The following GAB3 variants were observed in gnomAD, a reference collection of about 807,000 sequenced individuals.
GAB3 encodes GRB2 associated binding protein 3, also known as GRB2-associated-binding protein 3.
In GAB3, 12 loss-of-function variants were observed where a neutral mutation model predicts 40.4. The ratio of observed to expected loss-of-function variants is 0.30; its 90% CI spans 0.19 to 0.48. GAB3 has a LOEUF of 0.48. Ranked by LOEUF, GAB3 falls within the 20% of genes least tolerant of loss-of-function variation. GAB3 has a pLI of 0.99. For synonymous variants in GAB3, 154 were observed against 176.7 expected (o/e 0.87, Z 1.02); for missense variants, 381 against 461.9 (o/e 0.82, Z 1.61).
intron 4 of GAB3, among the ~76,000 whole-genome samples, chrX:154,710,251 C>T (rs782255010): frequency 9.8e-5 from 11 of 111,897 alleles, no homozygotes; most frequent in South Asian, 3.7e-4. Flanking sequence ...CTTCACAAAC[C>T]GATCTACAGA....
In GAB3 at chrX:154,694,673, G is replaced by A. The variant is rs781807987; in HGVS notation, c.1530+1244C>T. Among the ~76,000 whole-genome samples the A allele has an allele frequency of 7.1e-5, 8 of 112,347 alleles. No individual in the cohort carries two copies. In the East Asian group the frequency reaches 1.7e-3, roughly 23 times the overall value. ...CTCCCAAAGTGCTGGGATTACAGGCGTGAGCCACCGCGCCCAGCCAACACT... is the reference window on the plus strand; with the variant it reads ...CTCCCAAAGTGCTGGGATTACAGGCATGAGCCACCGCGCCCAGCCAACACT... On this transcript the variant is annotated intron_variant, in intron 8 of 9. Transcript: ENST00000424127.
chrX:154,709,585 T>G (rs1343143615), intron 4 of GAB3, among the ~76,000 whole-genome samples: 2 of 109,622 alleles, frequency 1.8e-5, no homozygotes, highest in African/African-American at 6.7e-5. Flanking sequence ...CCCAAAGTGC[T>G]GGGATTACAG....
intron 1 of GAB3, among the ~76,000 whole-genome samples, chrX:154,735,267 C>T (rs2071348642): frequency 8.9e-6 from 1 of 112,143 alleles, no homozygotes; most frequent in Non-Finnish European, 1.9e-5. Flanking sequence ...AAACCACACA[C>T]ATAAGCCCCT....
chrX:154,713,087 G>T, intron 3 of GAB3, 120 bp downstream of exon 3: 1 of 565,658 alleles, frequency 1.8e-6, no homozygotes, highest in Non-Finnish European at 3.0e-6. Context: ...ACCACTAAAT[G>T]GACTAATTTG....
rs200576612 is a variant in GAB3 at position 154,713,374 on chromosome X, A to G, written c.429T>C (p.Ser143=). The change falls in exon 3 of 10, where the codon TCT becomes TCC. Residue 143 remains serine (S), a synonymous_variant. Coordinates refer to ENST00000424127, the MANE Select transcript of GAB3 (RefSeq NM_001081573.3). The stretch of plus-strand genomic sequence containing the variant: ...CATGGGCGGTAAGAAGGGAGCTGGC[A>G]GAGGATGGCTGCAGGGAGGAGGGCG... ...SYTPSSLQPS[S]ASSLLTAHAA... is the part of the protein sequence containing the mutation. 3.3e-6 allele frequency: 4 copies of G among 1,207,841 alleles called. No individual in the cohort carries two copies. The East Asian group carries it at 8.9e-5, about 27-fold the overall frequency.
intron 4 of GAB3, among the ~76,000 whole-genome samples, chrX:154,705,308 CA>C (rs1557253284): frequency 9.0e-6 from 1 of 111,674 alleles, no homozygotes; most frequent in Non-Finnish European, 1.9e-5. Flanking sequence ...CCCTATGTAA[CA>C]AACCTGCACA....
At chrX:154,719,254 G>A (rs1325333246) in intron 1 of GAB3, among the ~76,000 whole-genome samples, 1 of 112,264 alleles carries the variant, frequency 8.9e-6, no homozygotes, top group Non-Finnish European at 1.9e-5. Context: ...TACTGGGGAA[G>A]ATGAAGTGAG....
intron 1 of GAB3, among the ~76,000 whole-genome samples, chrX:154,749,332 G>C (rs949808738): frequency 4.4e-5 from 5 of 112,891 alleles, no homozygotes; most frequent in Non-Finnish European, 7.5e-5. Flanking sequence ...CCCTCCAGGG[G>C]CATCTTTCTG....
At chrX:154,736,284 C>T (rs1409789622) in intron 1 of GAB3, among the ~76,000 whole-genome samples, 1 of 112,436 alleles carries the variant, frequency 8.9e-6, no homozygotes, top group Non-Finnish European at 1.9e-5. Flanking sequence ...GGAGTAAACA[C>T]TTGATTAGGA....
At chrX:154,694,235 C>T (rs1218732998) in intron 8 of GAB3, among the ~76,000 whole-genome samples, 1 of 111,544 alleles carries the variant, frequency 9.0e-6, no homozygotes, top group Non-Finnish European at 1.9e-5. Context: ...ACGACAGTTC[C>T]CAGATCATAG....
At chrX:154,702,248 C>T (rs782776558) in intron 4 of GAB3, among the ~76,000 whole-genome samples, 2 of 112,029 alleles carry the variant, frequency 1.8e-5, no homozygotes, top group South Asian at 7.4e-4. Context: ...GTGCCAAGAA[C>T]ATACACTGGG....
intron 1 of GAB3, among the ~76,000 whole-genome samples, chrX:154,729,125 T>C (rs1245289052): frequency 1.8e-5 from 2 of 112,048 alleles, no homozygotes; most frequent in Non-Finnish European, 3.8e-5. Context: ...GGACATTTCT[T>C]TACAACTTCC....
chrX:154,723,169 C>T (rs201620356), intron 1 of GAB3, among the ~76,000 whole-genome samples: 4 of 112,127 alleles, frequency 3.6e-5, no homozygotes, highest in Middle Eastern at 4.6e-3. Context: ...CGTGAACCAC[C>T]GTGCCCGGCC....
At chrX:154,720,549 C>T (rs2071113744) in intron 1 of GAB3, among the ~76,000 whole-genome samples, 1 of 106,707 alleles carries the variant, frequency 9.4e-6, no homozygotes, top group Non-Finnish European at 1.9e-5. Flanking sequence ...TGGCGTGAAC[C>T]CCGGGGGGCG....
chrX:154,708,759 G>A (rs1009245883), intron 4 of GAB3, among the ~76,000 whole-genome samples: 34 of 111,921 alleles, frequency 3.0e-4, no homozygotes, highest in Non-Finnish European at 5.1e-4. Flanking sequence ...CACTGTTGGT[G>A]GGAATGTAAA....
intron 6 of GAB3, among the ~76,000 whole-genome samples, chrX:154,698,558 ATCAG>A (rs1557251345): frequency 8.9e-6 from 1 of 112,013 alleles, no homozygotes; most frequent in Non-Finnish European, 1.9e-5. Context: ...TGCACGAGAG[ATCAG>A]TCATTCTACC....
At position 154,699,556 on chromosome X, in the gene GAB3, T is replaced by C. The variant is rs1291009448; in HGVS notation, c.1126-43A>G. Reference sequence around the variant, plus strand: ...CAGATTGGGAACCACAGACCAGTCATGGAAACTGCTATCAGAGGGCGGCCA... The same window carrying C: ...CAGATTGGGAACCACAGACCAGTCACGGAAACTGCTATCAGAGGGCGGCCA... On this transcript the variant is annotated intron_variant, in intron 5 of 9. Coordinates refer to ENST00000424127, the MANE Select transcript of GAB3 (RefSeq NM_001081573.3). 8.2e-6 allele frequency: 9 copies of C among 1,093,132 alleles called. No individual in the cohort carries two copies. The Middle Eastern group carries it at 9.2e-4, about 111-fold the overall frequency. The allele number at this position is 1,093,132 out of a possible 1,213,427, so 90.1% of individuals were successfully genotyped here.
At chrX:154,731,235 G>A in intron 1 of GAB3, among the ~76,000 whole-genome samples, 1 of 111,956 alleles carries the variant, frequency 8.9e-6, no homozygotes, top group Non-Finnish European at 1.9e-5. Flanking sequence ...GCAAAATTAC[G>A]GGTTGAAACC....
chrX:154,710,105 T>TCTTCTAATGGG (rs2070909822), intron 4 of GAB3, among the ~76,000 whole-genome samples: 2 of 107,457 alleles, frequency 1.9e-5, no homozygotes, highest in South Asian at 9.9e-4. Flanking sequence ...CATGTTCTGA[T>TCTTCTAATGGG]GCATATGCAT....
Sources: gnomAD v4.1 joint callset for allele counts (sites outside exome capture counted in the v4.1 genomes callset) on GRCh38, gnomAD v4.1.1 for gene constraint, MANE v1.5 for transcripts, NCBI Gene and HGNC (gene_info 2026-07-23, HGNC 2026-07-21) for gene names.